PLPPR5: variants seen among roughly 807,000 people sequenced by gnomAD.
PLPPR5 encodes the protein phospholipid phosphatase related 5.
PLPPR5 carries 16 observed loss-of-function variants against 33.9 expected under a neutral mutation model. The observed-to-expected ratio is 0.47, with a 90% CI of 0.32 to 0.72. The LOEUF is 0.72. Ranked by LOEUF, PLPPR5 falls within the 30% of genes least tolerant of loss-of-function variation. PLPPR5 has a pLI of 0.03. For missense variants in PLPPR5, 301 were observed against 406.7 expected (o/e 0.74, Z 2.23); for synonymous variants, 163 against 150.3 (o/e 1.08, Z -0.62).
chr1:98,943,954 C>T (rs1650466089), intron 3 of PLPPR5, among the ~76,000 whole-genome samples: 1 of 152,160 alleles, frequency 6.6e-6, no homozygotes, highest in South Asian at 2.1e-4. Context: ...CAGTTGATGT[C>T]AGTGCTATAT....
At chr1:98,900,383 A>T (rs1648653259) in intron 5 of PLPPR5, among the ~76,000 whole-genome samples, 1 of 152,148 alleles carries the variant, frequency 6.6e-6, no homozygotes, top group African/African-American at 2.4e-5. Context: ...AGCATTGCTA[A>T]GTTCAGACAG....
intron 1 of PLPPR5, among the ~76,000 whole-genome samples, chr1:98,958,245 C>T (rs1052561497): frequency 1.3e-5 from 2 of 152,160 alleles, no homozygotes; most frequent in African/African-American, 4.8e-5. Context: ...AAAGTAGTAT[C>T]TATGATTACA....
At chr1:98,999,191 A>G (rs756863564) in intron 1 of PLPPR5, among the ~76,000 whole-genome samples, 22 of 152,216 alleles carry the variant, frequency 1.4e-4, no homozygotes, top group Non-Finnish European at 2.9e-4. Flanking sequence ...AGGTGCTTTA[A>G]AGAGGTTTCC....
chr1:98,973,167 T>G (rs947852181), intron 1 of PLPPR5, among the ~76,000 whole-genome samples: 1 of 152,110 alleles, frequency 6.6e-6, no homozygotes, highest in Non-Finnish European at 1.5e-5. Context: ...AATATCTAAG[T>G]CCGAGTTTTC....
At chr1:98,989,809 T>C (rs921676975) in intron 1 of PLPPR5, among the ~76,000 whole-genome samples, 1 of 152,188 alleles carries the variant, frequency 6.6e-6, no homozygotes, top group African/African-American at 2.4e-5. Flanking sequence ...CTGCTTTTTG[T>C]TTTCTGTTTC....
At chr1:99,001,195 C>CATG (rs1320352579) in intron 1 of PLPPR5, among the ~76,000 whole-genome samples, 1 of 147,994 alleles carries the variant, frequency 6.8e-6, no homozygotes, top group Non-Finnish European at 1.5e-5. Flanking sequence ...AGTGCAGTGG[C>CATG]ATGATCTCTG....
intron 1 of PLPPR5, among the ~76,000 whole-genome samples, chr1:98,967,750 AT>A (rs1651500665): frequency 6.6e-6 from 1 of 152,146 alleles, no homozygotes; most frequent in Admixed American, 6.6e-5. Flanking sequence ...TTGTTATAAC[AT>A]TCATAGTAAA....
intron 5 of PLPPR5, among the ~76,000 whole-genome samples, chr1:98,900,319 T>C (rs1648650999): frequency 6.6e-6 from 1 of 152,112 alleles, no homozygotes; most frequent in African/African-American, 2.4e-5. Context: ...CATTCTTCTC[T>C]CTTGTCCTCA....
chr1:98,937,064 T>A (rs966913205), intron 3 of PLPPR5, among the ~76,000 whole-genome samples: 3 of 152,190 alleles, frequency 2.0e-5, no homozygotes, highest in African/African-American at 7.2e-5. Flanking sequence ...ATCTCTAACC[T>A]TTTTAAGAGC....
chr1:99,003,014 G>T (rs138838288), intron 1 of PLPPR5, among the ~76,000 whole-genome samples: 3,329 of 137,398 alleles, frequency 0.024, 61 homozygotes, highest in Non-Finnish European at 0.04. Context: ...AAACATGAAG[G>T]CTGGATTTGG....
chr1:98,933,494 A>AC (rs1414112166), intron 3 of PLPPR5, among the ~76,000 whole-genome samples: 3 of 151,884 alleles, frequency 2.0e-5, no homozygotes, highest in Non-Finnish European at 4.4e-5. Flanking sequence ...AAAAAAAAAA[A>AC]AAAAAAGGAT....
chr1:98,962,504 C>G (rs1176125513), intron 1 of PLPPR5, among the ~76,000 whole-genome samples: 2 of 152,188 alleles, frequency 1.3e-5, no homozygotes, highest in Non-Finnish European at 2.9e-5. Context: ...ATCACTACCT[C>G]CATTTTAAAA....
chr1:99,001,679 T>TATATAC (rs1557699495), intron 1 of PLPPR5, among the ~76,000 whole-genome samples: 3 of 140,616 alleles, frequency 2.1e-5, no homozygotes, highest in Admixed American at 1.4e-4. Flanking sequence ...AAGATATATA[T>TATATAC]ATATATATAT....
At chr1:98,997,063 T>C (rs1458153983) in intron 1 of PLPPR5, among the ~76,000 whole-genome samples, 1 of 152,174 alleles carries the variant, frequency 6.6e-6, no homozygotes, top group Non-Finnish European at 1.5e-5. Context: ...AGTAAATGGT[T>C]TACCTCATTC....
intron 1 of PLPPR5, among the ~76,000 whole-genome samples, chr1:98,962,930 T>C (rs1303970856): frequency 3.3e-5 from 5 of 152,206 alleles, no homozygotes; most frequent in Non-Finnish European, 7.4e-5. Context: ...ATTACAGGCA[T>C]GAGCCACCAC....
intron 1 of PLPPR5, among the ~76,000 whole-genome samples, chr1:98,993,931 T>C (rs2100763017): frequency 6.6e-6 from 1 of 152,218 alleles, no homozygotes; most frequent in South Asian, 2.1e-4. Context: ...CAATTTTCCT[T>C]AGAGAGGAAA....
intron 1 of PLPPR5, among the ~76,000 whole-genome samples, chr1:98,998,133 G>A (rs771548588): frequency 2.6e-5 from 4 of 152,060 alleles, no homozygotes; most frequent in Non-Finnish European, 5.9e-5. Context: ...AAGAAAGGGA[G>A]GGAAACAGGA....
At chr1:98,947,861 A>G (rs887557012) in intron 3 of PLPPR5, among the ~76,000 whole-genome samples, 2 of 152,210 alleles carry the variant, frequency 1.3e-5, no homozygotes, top group African/African-American at 4.8e-5. Context: ...TGCTCAGTAA[A>G]TATTTTTGAT....
intron 3 of PLPPR5, among the ~76,000 whole-genome samples, chr1:98,926,867 T>C (rs1649787376): frequency 6.6e-6 from 1 of 152,216 alleles, no homozygotes. Context: ...GGGGCATTCG[T>C]TTGTTAAGCC....
Sources: gnomAD v4.1 joint callset for allele counts (sites outside exome capture counted in the v4.1 genomes callset) on GRCh38, gnomAD v4.1.1 for gene constraint, MANE v1.5 for transcripts, NCBI Gene and HGNC (gene_info 2026-07-23, HGNC 2026-07-21) for gene names.